Variants in FAM222B observed in about 807,000 individuals in gnomAD.
The protein encoded by FAM222B is family with sequence similarity 222 member B.
FAM222B carries 12 observed loss-of-function variants against 38.0 expected under a neutral mutation model. That is an observed-to-expected ratio of 0.32 (90% CI 0.20 to 0.51). The LOEUF (loss-of-function observed/expected upper bound fraction) is 0.51. FAM222B is among the 20% of genes least tolerant of loss of function. FAM222B has a pLI of 0.97. For missense variants in FAM222B, 716 were observed against 754.2 expected (o/e 0.95, Z 0.59); for synonymous variants, 329 against 317.2 (o/e 1.04, Z -0.40).
chr17:28,826,133 G>A (rs1000007106), intron 1 of FAM222B, among the ~76,000 whole-genome samples: 9 of 151,582 alleles, frequency 5.9e-5, no homozygotes, highest in Admixed American at 1.3e-4. Flanking sequence ...GCAGTGGCAC[G>A]ATCTTGGCTC....
chr17:28,759,589 G>A lies in FAM222B; in HGVS notation c.370C>T (p.Leu124Phe). Residue 124 changes from leucine to phenylalanine, a missense_variant, in exon 3 of 3, where the codon CTC (leucine) becomes TTC (phenylalanine). Transcript: ENST00000581407. This position sits in a 1 kb window ranked among gnomAD's most constrained non-coding sequence, Gnocchi z 4.8. ...GGGGGGTTCATGATGGCCTCAGGGA[G>A]CAACCGGGCTCGGGTGCCGTCAAAG... The part of the protein sequence containing the change: ...KDFDGTRARL[L>F]PEAIMNPPVA... 6.2e-7 allele frequency: 1 copy of A among 1,612,286 alleles called. No individual in the cohort carries two copies.
At chr17:28,783,566 G>C (rs2036254841) in intron 1 of FAM222B, among the ~76,000 whole-genome samples, 1 of 151,082 alleles carries the variant, frequency 6.6e-6, no homozygotes, top group Non-Finnish European at 1.5e-5. Context: ...AGGCTGGAGT[G>C]CAGTGGCAAA....
chr17:28,847,487 C>T (rs2039153037), upstream of FAM222B, among the ~76,000 whole-genome samples: 1 of 151,462 alleles, frequency 6.6e-6, no homozygotes, highest in Admixed American at 6.6e-5. Context: ...CCACCTACTC[C>T]GGAGGCTAAG....
chr17:28,768,864 A>G (rs1426011909), intron 1 of FAM222B, among the ~76,000 whole-genome samples: 2 of 145,424 alleles, frequency 1.4e-5, no homozygotes, highest in East Asian at 2.1e-4. Flanking sequence ...AAAAAAAGAG[A>G]GACTTCTGTT....
At chr17:28,789,138 T>C (rs959660672) in intron 1 of FAM222B, among the ~76,000 whole-genome samples, 16 of 145,764 alleles carry the variant, frequency 1.1e-4, no homozygotes, top group African/African-American at 4.0e-4. Context: ...TTATGGATAG[T>C]GGTAGAAAAC....
At chr17:28,799,582 T>C (rs764973386) in intron 1 of FAM222B, among the ~76,000 whole-genome samples, 5 of 152,068 alleles carry the variant, frequency 3.3e-5, no homozygotes, top group Non-Finnish European at 5.9e-5. Flanking sequence ...GTGCTGGGAT[T>C]ACAGGCGTGA....
chr17:28,759,915 G>C lies in FAM222B; in HGVS notation c.83-39C>G. 6.7e-7 allele frequency: 1 copy of C among 1,489,840 alleles called. No homozygotes were observed. The highest frequency in any genetic ancestry group is 9.0e-7 in the Non-Finnish European group (1 of 1,113,812). 92.3% of individuals were successfully genotyped at this position (1,489,840 alleles called of 1,614,324 possible). ...ATGGGAAGGAGAGCAAAGAGGGAGA[G>C]GGAGCTCATCAGTGCCAAGGCAAAC... On this transcript the variant is annotated intron_variant, in intron 2 of 2. Coordinates refer to ENST00000581407, the MANE Select transcript of FAM222B (RefSeq NM_001077498.3). This position sits in a 1 kb window ranked among gnomAD's most constrained non-coding sequence, Gnocchi z 4.8.
chr17:28,789,079 C>CAAAAAA (rs397857027), intron 1 of FAM222B, among the ~76,000 whole-genome samples: 2 of 63,432 alleles, frequency 3.2e-5, no homozygotes, highest in East Asian at 5.0e-4. Flanking sequence ...AAAGATACCT[C>CAAAAAA]AAAAAAAAAA....
chr17:28,798,143 C>A (rs534015935), intron 1 of FAM222B, among the ~76,000 whole-genome samples: 23 of 152,216 alleles, frequency 1.5e-4, no homozygotes, highest in Admixed American at 6.6e-4. Context: ...GTAATCTCAA[C>A]ACTCTGGGAG....
At chr17:28,789,186 C>T (rs1304435310) in intron 1 of FAM222B, among the ~76,000 whole-genome samples, 1 of 146,880 alleles carries the variant, frequency 6.8e-6, no homozygotes, top group African/African-American at 2.5e-5. Flanking sequence ...TACACATCTT[C>T]TTCATTCTGT....
chr17:28,787,128 T>C (rs941217556), intron 1 of FAM222B, among the ~76,000 whole-genome samples: 1 of 152,040 alleles, frequency 6.6e-6, no homozygotes, highest in African/African-American at 2.4e-5. Flanking sequence ...GGTTTCACCA[T>C]GTTAGCCAGG....
rs118190462 is a variant in FAM222B at position 28,852,667 on chromosome 17, A to G, written c.-41+2283T>C. 2.4e-4 allele frequency among the ~76,000 whole-genome samples: 37 copies of G among 152,238 alleles called. 2 individuals carry two copies. The East Asian group carries it at 6.0e-3, about 25-fold the overall frequency. ...AAATTTTCCTCTTAAAAAAGAAAAGAAAATCCTCTGTTAACCCCACAGCCC... is the reference window on the plus strand; with the variant it reads ...AAATTTTCCTCTTAAAAAAGAAAAGGAAATCCTCTGTTAACCCCACAGCCC... On this transcript the variant is annotated intron_variant, in intron 1 of 2. Coordinates refer to the FAM222B transcript ENST00000577513.
At chr17:28,852,854 C>T (rs879289462) in intron 1 of FAM222B, among the ~76,000 whole-genome samples, 9 of 152,066 alleles carry the variant, frequency 5.9e-5, no homozygotes, top group Non-Finnish European at 8.8e-5. Flanking sequence ...GCAAGGAGTT[C>T]GTAACCAGCC....
chr17:28,820,387 T>C (rs534491014), intron 1 of FAM222B, among the ~76,000 whole-genome samples: 58 of 152,336 alleles, frequency 3.8e-4, no homozygotes, highest in Middle Eastern at 3.4e-3. Flanking sequence ...AATGGTACCA[T>C]GTCACTCTTC....
intron 1 of FAM222B, among the ~76,000 whole-genome samples, chr17:28,826,794 A>C (rs905336720): frequency 6.6e-6 from 1 of 152,080 alleles, no homozygotes. Flanking sequence ...CCAATGCTGA[A>C]AACATAGTAG....
At chr17:28,794,964 G>A (rs926462937) in intron 1 of FAM222B, among the ~76,000 whole-genome samples, 3 of 151,772 alleles carry the variant, frequency 2.0e-5, no homozygotes, top group Non-Finnish European at 2.9e-5. Context: ...GTGGTGGCAC[G>A]CGCCTGTAAT....
intron 1 of FAM222B, among the ~76,000 whole-genome samples, chr17:28,811,895 T>C (rs2037783281): frequency 1.3e-5 from 2 of 152,142 alleles, no homozygotes; most frequent in African/African-American, 4.8e-5. Context: ...CACTCCTAGC[T>C]TGCCTTTTCT....
At position 28,762,528 on chromosome 17, in the gene FAM222B, G is replaced by A. The variant is rs570314901; in HGVS notation, c.83-2652C>T. ...TGTAGTCCCAGCTACTTGGGAGGCTGAGGCAGGAGAATTGCTTGAACCCGG... is the reference window on the plus strand; with the variant it reads ...TGTAGTCCCAGCTACTTGGGAGGCTAAGGCAGGAGAATTGCTTGAACCCGG... On this transcript the variant is annotated intron_variant, in intron 2 of 2. Transcript: ENST00000581407. 1.7e-3 allele frequency among the ~76,000 whole-genome samples: 257 copies of A among 150,720 alleles called. 1 individual carries two copies. Among genetic ancestry groups the A allele is most frequent in the Non-Finnish European group, 2.9e-3 (197 of 67,826 alleles).
intron 1 of FAM222B, among the ~76,000 whole-genome samples, chr17:28,777,746 G>T (rs1287007293): frequency 6.6e-6 from 1 of 151,936 alleles, no homozygotes; most frequent in East Asian, 1.9e-4. Context: ...CTTTACTAGG[G>T]GAGTGAGAGG....
Sources: gnomAD v4.1 joint callset for allele counts (sites outside exome capture counted in the v4.1 genomes callset) on GRCh38, gnomAD v4.1.1 for gene constraint, Gnocchi (gnomAD v3.1) non-coding constraint, MANE v1.5 for transcripts, NCBI Gene and HGNC (gene_info 2026-07-23, HGNC 2026-07-21) for gene names.